The following XIRP2 variants were observed in gnomAD, a reference collection of about 807,000 sequenced individuals.
XIRP2 encodes xin actin-binding repeat-containing protein 2.
XIRP2 carries 236 observed loss-of-function variants against 277.0 expected under a neutral mutation model. The ratio of observed to expected loss-of-function variants is 0.85; its 90% CI spans 0.77 to 0.95. The LOEUF is 0.95. XIRP2 is among the 40% of genes least tolerant of loss of function. The pLI, the probability that XIRP2 is intolerant of heterozygous loss-of-function variation, is 0.00. For missense variants in XIRP2, 4,640 were observed against 4,157.5 expected (o/e 1.12, Z -3.19); for synonymous variants, 1,490 against 1,416.5 (o/e 1.05, Z -1.17).
chr2:167,086,246 TC>T (rs753640347), intron 2 of XIRP2, among the ~76,000 whole-genome samples: 154 of 152,324 alleles, frequency 1.0e-3, no homozygotes, highest in Non-Finnish European at 1.9e-3. Context: ...AAAATTCTTT[TC>T]TTTAAGAATG....
At chr2:166,944,135 G>T (rs1685792760) in intron 2 of XIRP2, among the ~76,000 whole-genome samples, 1 of 152,136 alleles carries the variant, frequency 6.6e-6, no homozygotes, top group Admixed American at 6.5e-5. Flanking sequence ...GTTTGTCTTT[G>T]ATTTTCTTTA....
chr2:166,956,483 A>C (rs1004013230), intron 2 of XIRP2, among the ~76,000 whole-genome samples: 3 of 151,808 alleles, frequency 2.0e-5, no homozygotes, highest in Admixed American at 2.0e-4. Flanking sequence ...CATGCATATG[A>C]GTATTTTGTG....
chr2:167,176,937 T>C (rs1172883309), intron 3 of XIRP2, among the ~76,000 whole-genome samples: 1 of 152,188 alleles, frequency 6.6e-6, no homozygotes, highest in Non-Finnish European at 1.5e-5. Flanking sequence ...CTAATTCATT[T>C]GTACATGGTC....
rs994633111 is a variant in XIRP2, at chr2:167,014,771, C to T, written c.408+110881C>T. On this transcript the variant is annotated intron_variant, in intron 2 of 10. Coordinates refer to ENST00000409195, the MANE Select transcript of XIRP2 (RefSeq NM_152381.6). ...ACATTCATTAGCTATTTATTGTGTG[C>T]CATTTCCTGTGCCAAATGTTAAGTT... Among the ~76,000 whole-genome samples the T allele has an allele frequency of 2.8e-4, 43 of 151,730 alleles. 1 individual carries two copies. The highest frequency in any genetic ancestry group is 1.0e-3 in the African/African-American group (43 of 41,380).
Position 167,112,954 on chromosome 2 carries a change from C to G in XIRP2, c.409-22955C>G, listed in dbSNP as rs574178231. On this transcript the variant is annotated intron_variant, in intron 2 of 10. Coordinates refer to ENST00000409195, the MANE Select transcript of XIRP2 (RefSeq NM_152381.6). Reference sequence around the variant, plus strand: ...ACAGGCACGAACCACCATGCCTGGCCCTTGATTTCTATTTTTAATGTGCTG... The same window carrying G: ...ACAGGCACGAACCACCATGCCTGGCGCTTGATTTCTATTTTTAATGTGCTG... Among the ~76,000 whole-genome samples, 5 of 152,078 alleles carry G rather than the reference C, an allele frequency of 3.3e-5. 1 individual carries two copies. Among genetic ancestry groups the G allele is most frequent in the African/African-American group, 1.2e-4 (5 of 41,494 alleles).
chr2:166,914,828 AT>A (rs1435005507), intron 2 of XIRP2, among the ~76,000 whole-genome samples: 2 of 151,898 alleles, frequency 1.3e-5, no homozygotes, highest in African/African-American at 4.8e-5. Context: ...CAGGTCTTTG[AT>A]TTTTTTCTAT....
Position 167,254,218 on chromosome 2 carries a change from T to C in XIRP2, c.*39+53T>C. ...AATATTCCAGGAGCTGCACTCTATG[T>C]ATAGCCTCATATCTCTAGGAGGATG... On this transcript the variant is annotated intron_variant, in intron 10 of 10. Transcript: ENST00000409195. 5 of 1,556,758 alleles carry C rather than the reference T, an allele frequency of 3.2e-6. No individual in the cohort carries two copies. The South Asian group carries it at 6.2e-5, about 19-fold the overall frequency.
chr2:167,134,182 AAT>A (rs1691467196), intron 2 of XIRP2, among the ~76,000 whole-genome samples: 1 of 151,426 alleles, frequency 6.6e-6, no homozygotes, highest in African/African-American at 2.4e-5. Context: ...ATACATAGTG[AAT>A]ATATTCATAT....
intron 2 of XIRP2, among the ~76,000 whole-genome samples, chr2:166,925,136 C>G (rs1316907234): frequency 6.6e-6 from 1 of 152,014 alleles, no homozygotes. Flanking sequence ...AAAGTCATGT[C>G]AACTATGCAG....
chr2:167,245,987 C>T lies in XIRP2; in HGVS notation c.4595C>T (p.Thr1532Ile). The T allele has an allele frequency of 6.2e-7, 1 of 1,613,326 alleles. No homozygotes were observed. Among genetic ancestry groups the T allele is most frequent in the Non-Finnish European group, 8.5e-7 (1 of 1,179,686 alleles). Residue 1532 changes from threonine (T) to isoleucine (I), a missense_variant, in exon 9 of 11, where the codon ACA becomes ATA. By Grantham distance (89) the Thr-to-Ile change is moderately conservative. Coordinates refer to ENST00000409195, the MANE Select transcript of XIRP2 (RefSeq NM_152381.6). ...VKTTTWLFET[T>I]PLHEFNETRV... ...ACAACCACATGGCTCTTTGAAACAA[C>T]ACCACTTCATGAATTTAATGAAACT... is the stretch of plus-strand genomic sequence containing the variant.
intron 2 of XIRP2, among the ~76,000 whole-genome samples, chr2:167,122,882 T>C (rs953885525): frequency 6.6e-6 from 1 of 151,954 alleles, no homozygotes; most frequent in Non-Finnish European, 1.5e-5. Context: ...GCATTTACAG[T>C]TTTTTTATTT....
At chr2:167,231,355 A>G (rs572067560) in intron 5 of XIRP2, among the ~76,000 whole-genome samples, 1 of 152,110 alleles carries the variant, frequency 6.6e-6, no homozygotes, top group Non-Finnish European at 1.5e-5. Flanking sequence ...AAGTCTTCCT[A>G]CATGTCCTTG....
intron 3 of XIRP2, among the ~76,000 whole-genome samples, chr2:167,141,778 T>C (rs566455030): frequency 4.6e-5 from 7 of 152,172 alleles, no homozygotes; most frequent in African/African-American, 1.7e-4. Flanking sequence ...GGAGGATCCC[T>C]TGAGTCCTGG....
chr2:167,254,154 C>T lies in XIRP2; in HGVS notation c.*28C>T. The T allele has an allele frequency of 6.2e-7, 1 of 1,608,902 alleles. No individual in the cohort carries two copies. Among genetic ancestry groups the T allele is most frequent in the Non-Finnish European group, 8.5e-7 (1 of 1,177,394 alleles). Reference sequence around the variant, plus strand: ...CCTGCTTCCGATGCCACCATTGCAACAGTAAACTAAGGTAAAATGTTTAAT... The same window carrying T: ...CCTGCTTCCGATGCCACCATTGCAATAGTAAACTAAGGTAAAATGTTTAAT... On this transcript the variant is annotated 3_prime_UTR_variant, in exon 10 of 11. Coordinates refer to ENST00000409195, the MANE Select transcript of XIRP2 (RefSeq NM_152381.6).
At chr2:166,908,561 A>G (rs1684598209) in intron 2 of XIRP2, among the ~76,000 whole-genome samples, 1 of 152,068 alleles carries the variant, frequency 6.6e-6, no homozygotes, top group South Asian at 2.1e-4. Context: ...CCCATTCTGT[A>G]GGTTGCCTGT....
chr2:167,229,220 G>A (rs1694687416), intron 5 of XIRP2, among the ~76,000 whole-genome samples: 1 of 151,992 alleles, frequency 6.6e-6, no homozygotes, highest in African/African-American at 2.4e-5. Context: ...TTGAAATAGA[G>A]GAGACATTTT....
In XIRP2 at chr2:167,226,108, A is replaced by G. The variant is rs187752842; in HGVS notation, c.858+7808A>G. Among the ~76,000 whole-genome samples, 360 of 152,290 alleles carry G rather than the reference A, an allele frequency of 2.4e-3. 9 individuals are homozygous for G. Among genetic ancestry groups the G allele is most frequent in the Non-Finnish European group, 5.6e-4 (38 of 68,028 alleles). On this transcript the variant is annotated intron_variant, in intron 5 of 10. Coordinates refer to ENST00000409195, the MANE Select transcript of XIRP2 (RefSeq NM_152381.6). ...ATACAGCAAATCAGCTTTGCTCTAT[A>G]CTAGTAATTCGGTTTTCCTTTCAAT... is the stretch of plus-strand genomic sequence containing the variant.
intron 2 of XIRP2, among the ~76,000 whole-genome samples, chr2:167,073,382 A>C (rs2105253325): frequency 6.6e-6 from 1 of 152,260 alleles, no homozygotes; most frequent in East Asian, 1.9e-4. Context: ...AAATAGTAAA[A>C]ATACTGTTAA....
At chr2:166,891,378 G>A (rs940056912) in intron 1 of XIRP2, among the ~76,000 whole-genome samples, 2 of 151,876 alleles carry the variant, frequency 1.3e-5, no homozygotes, top group Non-Finnish European at 2.9e-5. Context: ...CCTATTAGTG[G>A]GAAATTAAGT....
Sources: gnomAD v4.1 joint callset for allele counts (sites outside exome capture counted in the v4.1 genomes callset) on GRCh38, gnomAD v4.1.1 for gene constraint, MANE v1.5 for transcripts, NCBI Gene and HGNC (gene_info 2026-07-23, HGNC 2026-07-21) for gene names.